SULT1E1: variants seen among roughly 807,000 people sequenced by gnomAD.
SULT1E1 encodes the protein sulfotransferase family 1E member 1.
In SULT1E1, 36 loss-of-function variants were observed where a neutral mutation model predicts 33.6. The ratio of observed to expected loss-of-function variants is 1.07; its 90% CI spans 0.82 to 1.41. The LOEUF is 1.41. Ranked by LOEUF, SULT1E1 falls within the 40% of genes most tolerant of loss-of-function variation. The pLI, the probability that SULT1E1 is intolerant of heterozygous loss-of-function variation, is 0.00. For missense variants in SULT1E1, 371 were observed against 345.7 expected (o/e 1.07, Z -0.58); for synonymous variants, 121 against 111.7 (o/e 1.08, Z -0.53).
At chr4:69,854,487 T>C (rs935592155) in intron 3 of SULT1E1, among the ~76,000 whole-genome samples, 173 bp from the exon 4 acceptor site, 4 of 152,186 alleles carry the variant, frequency 2.6e-5, no homozygotes, top group African/African-American at 9.6e-5. Flanking sequence ...TTCCATGGTG[T>C]AATTATTATG....
At chr4:69,858,371 T>G (rs1013267858) in intron 1 of SULT1E1, among the ~76,000 whole-genome samples, 2 of 152,144 alleles carry the variant, frequency 1.3e-5, no homozygotes, top group African/African-American at 4.8e-5. Flanking sequence ...TCCTAATTCA[T>G]CTCCTGATCC....
At chr4:69,855,191 G>T in intron 3 of SULT1E1, 110 bp downstream of exon 3, 1 of 1,138,612 alleles carries the variant, frequency 8.8e-7, no homozygotes, top group Non-Finnish European at 1.2e-6. Context: ...GTCTTATGTA[G>T]AAGACCTGAT....
Position 69,857,665 on chromosome 4 carries a change from C to A in SULT1E1, c.-9-12G>T, listed in dbSNP as rs376567302. 6.4e-7 allele frequency: 1 copy of A among 1,572,126 alleles called. No homozygotes were observed. Among genetic ancestry groups the A allele is most frequent in the African/African-American group, 1.4e-5 (1 of 72,706 alleles). ...TTCATTGTGGTACACTGAAAAAAAA[C>A]CTCTGCTTTATACTTTGTATGTACT... On this transcript the variant is annotated splice_polypyrimidine_tract_variant and intron_variant, in intron 1 of 7. Coordinates refer to ENST00000226444, the MANE Select transcript of SULT1E1 (RefSeq NM_005420.3).
chr4:69,857,422 G>C (rs1378945781), intron 2 of SULT1E1, 78 bp downstream of exon 2: 6 of 1,486,342 alleles, frequency 4.0e-6, no homozygotes, highest in Non-Finnish European at 5.4e-6. Flanking sequence ...GAGTGTGTAC[G>C]ACATGAACAC....
At chr4:69,830,766 C>T in the SULT1E1 span, among the ~76,000 whole-genome samples, 1 of 152,190 alleles carries the variant, frequency 6.6e-6, no homozygotes, top group East Asian at 1.9e-4. Flanking sequence ...AAGCTGTTTC[C>T]AATCTGGCCA....
the SULT1E1 span, among the ~76,000 whole-genome samples, chr4:69,833,464 C>T: frequency 5.4e-4 from 82 of 152,174 alleles, no homozygotes; most frequent in Admixed American, 2.7e-3. Flanking sequence ...ACTGAAATTG[C>T]TAAGGAACTT....
chr4:69,845,533 GTA>G (rs1001089213), intron 6 of SULT1E1, among the ~76,000 whole-genome samples: 1 of 150,258 alleles, frequency 6.7e-6, no homozygotes, highest in Non-Finnish European at 1.5e-5. Flanking sequence ...ACATGTATGT[GTA>G]TATATATATA....
chr4:69,856,759 C>A (rs1282044572), intron 2 of SULT1E1, among the ~76,000 whole-genome samples: 1 of 151,682 alleles, frequency 6.6e-6, no homozygotes, highest in Non-Finnish European at 1.5e-5. Context: ...ATGGTGAAAA[C>A]CCGTCTCTAC....
At chr4:69,822,984 C>T in the SULT1E1 span, among the ~76,000 whole-genome samples, 1 of 152,102 alleles carries the variant, frequency 6.6e-6, no homozygotes, top group African/African-American at 2.4e-5. Context: ...ATCCATAATT[C>T]CCTGTGGAAT....
At chr4:69,827,115 G>A in the SULT1E1 span, among the ~76,000 whole-genome samples, 2 of 152,120 alleles carry the variant, frequency 1.3e-5, no homozygotes, top group Non-Finnish European at 2.9e-5. Flanking sequence ...GTAGACCTGG[G>A]GAAGCTTTCA....
intron 4 of SULT1E1, among the ~76,000 whole-genome samples, chr4:69,852,149 T>C (rs1196688027): frequency 6.6e-6 from 1 of 152,082 alleles, no homozygotes; most frequent in East Asian, 1.9e-4. Flanking sequence ...ATTCTATTCC[T>C]ATGATACTTA....
At chr4:69,832,404 G>C in the SULT1E1 span, among the ~76,000 whole-genome samples, 1 of 152,228 alleles carries the variant, frequency 6.6e-6, no homozygotes, top group African/African-American at 2.4e-5. Flanking sequence ...GGGCAAGAGA[G>C]ACCTCGGAGT....
At chr4:69,858,259 C>G (rs562075512) in intron 1 of SULT1E1, among the ~76,000 whole-genome samples, 1 of 152,086 alleles carries the variant, frequency 6.6e-6, no homozygotes, top group South Asian at 2.1e-4. Flanking sequence ...TCCTCTGTGA[C>G]CTTTAAAATT....
the SULT1E1 span, among the ~76,000 whole-genome samples, chr4:69,830,351 T>C: frequency 0.78 from 118,079 of 152,212 alleles, 46,766 homozygotes; most frequent in Non-Finnish European, 0.85. Context: ...CTGCAATGTT[T>C]ACCTAATATT....
At chr4:69,851,883 C>A (rs967870751) in intron 4 of SULT1E1, among the ~76,000 whole-genome samples, 1 of 152,004 alleles carries the variant, frequency 6.6e-6, no homozygotes, top group African/African-American at 2.4e-5. Flanking sequence ...AACAAAAAAC[C>A]AAACACCTCA....
At chr4:69,827,658 G>A in the SULT1E1 span, among the ~76,000 whole-genome samples, 1 of 152,064 alleles carries the variant, frequency 6.6e-6, no homozygotes, top group African/African-American at 2.4e-5. Context: ...GCGAGCCCTG[G>A]GCCCTGAACA....
intron 2 of SULT1E1, among the ~76,000 whole-genome samples, chr4:69,857,258 A>G (rs757372103): frequency 6.6e-6 from 1 of 152,186 alleles, no homozygotes; most frequent in Non-Finnish European, 1.5e-5. Flanking sequence ...ATACAGGTTC[A>G]TTAGTATATA....
chr4:69,842,538 T>C (rs1720902524), intron 7 of SULT1E1, among the ~76,000 whole-genome samples: 1 of 152,234 alleles, frequency 6.6e-6, no homozygotes, highest in Non-Finnish European at 1.5e-5. Context: ...TACAATTAGT[T>C]CAAAAATAAA....
intron 6 of SULT1E1, among the ~76,000 whole-genome samples, chr4:69,845,480 G>GA (rs754130184): frequency 6.4e-4 from 97 of 150,832 alleles, no homozygotes; most frequent in African/African-American, 2.1e-3. Context: ...CAAGACACAA[G>GA]AAAAAAGATT....
Sources: gnomAD v4.1 joint callset for allele counts (sites outside exome capture counted in the v4.1 genomes callset) on GRCh38, gnomAD v4.1.1 for gene constraint, MANE v1.5 for transcripts, NCBI Gene and HGNC (gene_info 2026-07-23, HGNC 2026-07-21) for gene names.